IDE: variants seen among roughly 807,000 people sequenced by gnomAD.
IDE encodes insulin-degrading enzyme.
A neutral mutation model predicts 133.2 loss-of-function variants in IDE; 58 were observed. The ratio of observed to expected loss-of-function variants is 0.44; its 90% CI spans 0.35 to 0.54. The LOEUF is 0.54. Among genes scored for constraint, IDE ranks in the 20% least tolerant of loss-of-function variants. The pLI, the probability that IDE is intolerant of heterozygous loss-of-function variation, is 0.00. For missense variants in IDE, 981 were observed against 1,234.0 expected (o/e 0.79, Z 3.07); for synonymous variants, 396 against 421.3 (o/e 0.94, Z 0.73).
At chr10:92,507,813 C>T in intron 8 of IDE, 147 bp from the exon 9 acceptor site, 4 of 638,818 alleles carry the variant, frequency 6.3e-6, no homozygotes, top group Admixed American at 2.6e-5. Flanking sequence ...CTTTACGTGT[C>T]CCACATACAT....
In IDE at chr10:92,452,482, C is replaced by T. The variant is rs990799744; in HGVS notation, c.*1962G>A. ...CAGCTTGGACCCATCTAAATGAATC[C>T]ATTAGTATGCCTGAGTGATCAACAG... On this transcript the variant is annotated 3_prime_UTR_variant, in exon 25 of 25. Transcript: ENST00000265986. 1 of 152,158 alleles carries T rather than the reference C, an allele frequency of 6.6e-6. No homozygotes were observed. The highest frequency in any genetic ancestry group is 6.6e-5 in the Admixed American group (1 of 15,264). The allele number at this position is 152,158 out of a possible 1,614,324, so 9.4% of individuals were successfully genotyped here.
chr10:92,511,263 T>C (rs1034812031), intron 5 of IDE, among the ~76,000 whole-genome samples: 1 of 151,806 alleles, frequency 6.6e-6, no homozygotes, highest in Non-Finnish European at 1.5e-5. Context: ...CACCACACCC[T>C]GTTAGTTTTT....
At chr10:92,491,579 G>A (rs1300579535) in intron 11 of IDE, among the ~76,000 whole-genome samples, 1 of 151,334 alleles carries the variant, frequency 6.6e-6, no homozygotes, top group Non-Finnish European at 1.5e-5. Context: ...TGGGATTACA[G>A]GCACCCGCCA....
chr10:92,559,187 CGCT>C (rs1843159792), intron 1 of IDE: 1 of 152,082 alleles, frequency 6.6e-6, no homozygotes, highest in Non-Finnish European at 1.5e-5. Context: ...AAAATAGTGC[CGCT>C]GCTTTGAAAA....
rs200246238 is a variant in IDE at position 92,508,123 on chromosome 10, C to G, written c.1143G>C (p.Glu381Asp). ...MFFIINVDLT[E>D]EGLLHVEDII... ...TGAATCAATACTTACATAATCCTTC[C>G]TCGGTCAAGTCCACATTAATGATAA... is the stretch of plus-strand genomic sequence containing the variant. The change falls in exon 8 of 25, where the codon GAG (glutamate) becomes GAC (aspartate). Residue 381 changes from glutamate to aspartate, a missense_variant. Glu to Asp is a conservative substitution (Grantham distance 45). Coordinates refer to ENST00000265986, the MANE Select transcript of IDE (RefSeq NM_004969.4). 91 of 1,610,188 alleles carry G rather than the reference C, an allele frequency of 5.7e-5. 1 individual carries two copies. Among genetic ancestry groups the G allele is most frequent in the Non-Finnish European group, 8.5e-7 (1 of 1,177,354 alleles).
intron 1 of IDE, among the ~76,000 whole-genome samples, chr10:92,553,700 G>A (rs777332483): frequency 5.3e-5 from 8 of 152,046 alleles, no homozygotes; most frequent in Non-Finnish European, 8.8e-5. Context: ...TGGCTATTAT[G>A]AGCAACTATA....
intron 11 of IDE, among the ~76,000 whole-genome samples, chr10:92,496,681 G>C (rs1847721591): frequency 6.6e-6 from 1 of 152,226 alleles, no homozygotes; most frequent in Non-Finnish European, 1.5e-5. Context: ...AGCCACTCGG[G>C]AGGCTGAGGC....
chr10:92,536,486 G>A (rs1195382182), intron 2 of IDE, among the ~76,000 whole-genome samples: 1 of 147,272 alleles, frequency 6.8e-6, no homozygotes, highest in Non-Finnish European at 1.5e-5. Flanking sequence ...ATCACCTGAG[G>A]TCAGGAGTTC....
intron 1 of IDE, among the ~76,000 whole-genome samples, chr10:92,557,377 A>T (rs1180758188): frequency 6.6e-6 from 1 of 152,086 alleles, no homozygotes; most frequent in Non-Finnish European, 1.5e-5. Context: ...TCTACTAAAA[A>T]TACAAAAAAT....
At chr10:92,490,396 G>C (rs1847271557) in intron 12 of IDE, 97 bp downstream of exon 12, 2 of 767,336 alleles carry the variant, frequency 2.6e-6, no homozygotes, top group Non-Finnish European at 4.6e-6. Flanking sequence ...TAGGTCATCA[G>C]TCTTCCACAC....
At chr10:92,559,764 G>A (rs1436614371) in intron 1 of IDE, among the ~76,000 whole-genome samples, 3 of 146,446 alleles carry the variant, frequency 2.0e-5, no homozygotes, top group Admixed American at 1.4e-4. Context: ...TTTTGAGACA[G>A]GGTATCACTG....
At chr10:92,511,504 T>C (rs1170849454) in intron 5 of IDE, among the ~76,000 whole-genome samples, 1 of 152,162 alleles carries the variant, frequency 6.6e-6, no homozygotes. Flanking sequence ...CCTGTTACTG[T>C]CAGTAAGCAT....
intron 1 of IDE, among the ~76,000 whole-genome samples, chr10:92,556,565 C>T (rs1291849905): frequency 6.6e-6 from 1 of 152,118 alleles, no homozygotes; most frequent in East Asian, 1.9e-4. Flanking sequence ...CGAGACCAGC[C>T]TGGCCAACAT....
intron 4 of IDE, among the ~76,000 whole-genome samples, chr10:92,520,649 A>T (rs1849173933): frequency 6.6e-6 from 1 of 152,206 alleles, no homozygotes; most frequent in Non-Finnish European, 1.5e-5. Flanking sequence ...TGGAAGTGAG[A>T]GACTAAAGCC....
intron 4 of IDE, 45 bp from the exon 5 acceptor site, chr10:92,515,087 G>A: frequency 6.6e-7 from 1 of 1,514,122 alleles, no homozygotes. Flanking sequence ...CAAAATATGT[G>A]GACTTTTAAA....
chr10:92,507,532 A>C, intron 9 of IDE, 43 bp downstream of exon 9: 1 of 1,003,896 alleles, frequency 1.0e-6, no homozygotes, highest in Non-Finnish European at 1.6e-6. Context: ...TTTGCTCTTG[A>C]AAAACAGATT....
chr10:92,497,773 C>T, intron 11 of IDE: 1 of 876,972 alleles, frequency 1.1e-6, no homozygotes, highest in Non-Finnish European at 1.4e-6. Flanking sequence ...TTAACAGTCA[C>T]AGAGACCAAT....
chr10:92,554,545 TAAA>T (rs11418454), intron 1 of IDE, among the ~76,000 whole-genome samples: 1 of 137,590 alleles, frequency 7.3e-6, no homozygotes, highest in Non-Finnish European at 1.5e-5. Flanking sequence ...AACAGTGTCT[TAAA>T]AAAAAAAAAA....
chr10:92,557,855 AC>A (rs201674091), intron 1 of IDE, among the ~76,000 whole-genome samples: 8,380 of 144,796 alleles, frequency 0.058, 343 homozygotes, highest in African/African-American at 0.097. Flanking sequence ...AACCTGGGCA[AC>A]AGAGCAAGAT....
Sources: allele counts gnomAD v4.1 joint callset (sites outside exome capture counted in the v4.1 genomes callset), GRCh38; gene constraint gnomAD v4.1.1; transcripts MANE v1.5; gene names NCBI Gene and HGNC (gene_info 2026-07-23, HGNC 2026-07-21).